CEP164: variants seen among roughly 807,000 people sequenced by gnomAD.
The protein encoded by CEP164 is centrosomal protein 164.
CEP164 carries 162 observed loss-of-function variants against 182.7 expected under a neutral mutation model. The ratio of observed to expected loss-of-function variants is 0.89; its 90% confidence interval spans 0.78 to 1.01. The LOEUF (loss-of-function observed/expected upper bound fraction) is 1.01. CEP164 is among the 50% of genes least tolerant of loss of function. The pLI is 0.00. For synonymous variants in CEP164, 661 were observed against 690.0 expected (o/e 0.96, Z 0.66); for missense variants, 1,735 against 1,790.4 (o/e 0.97, Z 0.56).
chr11:117,351,547 C>A (rs1352146234), intron 4 of CEP164, among the ~76,000 whole-genome samples: 1 of 152,072 alleles, frequency 6.6e-6, no homozygotes, highest in Non-Finnish European at 1.5e-5. Flanking sequence ...GATTAGGTAT[C>A]CCAATCCTTT....
chr11:117,408,082 G>C, intron 28 of CEP164, 50 bp downstream of exon 28: 1 of 1,405,534 alleles, frequency 7.1e-7, no homozygotes, highest in Non-Finnish European at 9.8e-7. Context: ...TTCCTCTTCT[G>C]TTCTTGGGAT....
chr11:117,344,138 A>G, intron 3 of CEP164, 28 bp from the exon 4 acceptor site: 1 of 1,378,872 alleles, frequency 7.3e-7, no homozygotes, highest in African/African-American at 1.4e-5. Context: ...CATCTCTCTT[A>G]CTTTCCCACC....
chr11:117,359,187 G>A (rs1305007713), intron 5 of CEP164, among the ~76,000 whole-genome samples: 3 of 152,038 alleles, frequency 2.0e-5, no homozygotes, highest in East Asian at 1.9e-4. Context: ...TAGGTAATCC[G>A]CCTGCCTCAG....
At chr11:117,401,703 G>T (rs1367127801) in intron 27 of CEP164, among the ~76,000 whole-genome samples, 1 of 152,102 alleles carries the variant, frequency 6.6e-6, no homozygotes, top group Admixed American at 6.5e-5. Flanking sequence ...GTTTAGTCTT[G>T]GGAGGGTATA....
At chr11:117,347,153 A>G (rs911825515) in intron 4 of CEP164, among the ~76,000 whole-genome samples, 3 of 152,058 alleles carry the variant, frequency 2.0e-5, no homozygotes, top group African/African-American at 7.2e-5. Context: ...ATTTTCAAAA[A>G]TCTTGATTTA....
At chr11:117,397,794 C>G (rs1395962276) in intron 27 of CEP164, among the ~76,000 whole-genome samples, 7 of 152,142 alleles carry the variant, frequency 4.6e-5, no homozygotes, top group African/African-American at 1.7e-4. Flanking sequence ...CCCACCAGGT[C>G]CCTCCCACAA....
In CEP164 at chr11:117,412,275, T is replaced by C; in HGVS notation, c.*107T>C. On this transcript the variant is annotated 3_prime_UTR_variant, in exon 33 of 33. Transcript: ENST00000278935. The stretch of plus-strand genomic sequence containing the variant: ...CTGAGAAAGCACCCTCCTTCCCCCT[T>C]TGACTTGCAGGAGCCACCAGGGACC... 1 of 1,006,694 alleles carries C rather than the reference T, an allele frequency of 9.9e-7. No individual in the cohort carries two copies. Among genetic ancestry groups the C allele is most frequent in the East Asian group, 2.6e-5 (1 of 38,642 alleles). The allele number at this position is 1,006,694 out of a possible 1,614,324, so 62.4% of individuals were successfully genotyped here.
chr11:117,355,457 CTG>C, intron 5 of CEP164: 2 of 1,289,798 alleles, frequency 1.6e-6, no homozygotes, highest in South Asian at 2.5e-5. Context: ...AGGCCTGCCA[CTG>C]AAAGGGGAGC....
At chr11:117,335,027 C>T (rs987104726) in intron 1 of CEP164, among the ~76,000 whole-genome samples, 1 of 152,166 alleles carries the variant, frequency 6.6e-6, no homozygotes, top group Non-Finnish European at 1.5e-5. Context: ...TGGGCCCTCC[C>T]TGCCCGTGGA....
At chr11:117,392,975 A>C in intron 19 of CEP164, 29 bp from the exon 20 acceptor site, 2 of 1,611,560 alleles carry the variant, frequency 1.2e-6, no homozygotes, top group African/African-American at 1.3e-5. Flanking sequence ...TCGGTTCTTC[A>C]TGCCACATCC....
chr11:117,366,531 G>C (rs1042699988), intron 8 of CEP164, among the ~76,000 whole-genome samples: 1 of 152,166 alleles, frequency 6.6e-6, no homozygotes, highest in African/African-American at 2.4e-5. Flanking sequence ...AAGGGTAGGC[G>C]AGCAGACTTT....
intron 2 of CEP164, among the ~76,000 whole-genome samples, chr11:117,335,941 T>C (rs2037025604): frequency 6.6e-6 from 1 of 151,876 alleles, no homozygotes; most frequent in Non-Finnish European, 1.5e-5. Context: ...CAATATTTAG[T>C]TCATCATCTT....
At chr11:117,352,957 T>C (rs1190820419) in intron 5 of CEP164, among the ~76,000 whole-genome samples, 5 of 152,192 alleles carry the variant, frequency 3.3e-5, no homozygotes, top group African/African-American at 1.2e-4. Context: ...GTTTTATTTG[T>C]CCCTTTAGTA....
chr11:117,362,370 G>T, intron 6 of CEP164, 34 bp from the exon 7 acceptor site: 1 of 1,598,086 alleles, frequency 6.3e-7, no homozygotes, highest in East Asian at 2.2e-5. Flanking sequence ...GGTCTTCCAA[G>T]TGAGTCCTTT....
At chr11:117,410,049 T>C in intron 30 of CEP164, 84 bp downstream of exon 30, 2 of 1,252,270 alleles carry the variant, frequency 1.6e-6, no homozygotes, top group East Asian at 2.4e-5. Flanking sequence ...TTTCTCCTGC[T>C]CCTTTTCTCC....
At chr11:117,371,906 A>G (rs2042236200) in intron 9 of CEP164, among the ~76,000 whole-genome samples, 1 of 150,142 alleles carries the variant, frequency 6.7e-6, no homozygotes, top group Non-Finnish European at 1.5e-5. Context: ...GGGCTCAAGC[A>G]GTCCTCCTAC....
chr11:117,356,113 G>C, intron 5 of CEP164: 2 of 1,052,764 alleles, frequency 1.9e-6, no homozygotes, highest in Non-Finnish European at 2.3e-6. Flanking sequence ...GATCTGAGGA[G>C]GGTATGGCTC....
chr11:117,369,426 A>G (rs2041981378), intron 8 of CEP164, among the ~76,000 whole-genome samples: 1 of 152,202 alleles, frequency 6.6e-6, no homozygotes, highest in South Asian at 2.1e-4. Flanking sequence ...TCTGTCTCCA[A>G]AGCTGAGCTC....
rs999884257 is a variant in CEP164 at position 117,387,013 on chromosome 11, C to G, written c.1725-190C>G. 5.7e-5 allele frequency: 34 copies of G among 601,122 alleles called. 1 individual carries two copies. The highest frequency in any genetic ancestry group is 4.6e-4 in the South Asian group (23 of 50,036). 37.2% of individuals were successfully genotyped at this position (601,122 alleles called of 1,614,324 possible). A position where few individuals can be genotyped will look rare whatever the true frequency, so the allele number is the denominator to read the frequency against. On this transcript the variant is annotated intron_variant, in intron 14 of 32. Transcript: ENST00000278935. ...AGGCTCTTGGGGCCTTAAACAGCCA[C>G]AATGGGGCTTGTCCTATGGAACAAG... is the stretch of plus-strand genomic sequence containing the variant.
Sources: gnomAD v4.1 joint callset for allele counts (sites outside exome capture counted in the v4.1 genomes callset) on GRCh38, gnomAD v4.1.1 for gene constraint, MANE v1.5 for transcripts, NCBI Gene and HGNC (gene_info 2026-07-23, HGNC 2026-07-21) for gene names.